Variants in GALNTL6 observed in about 807,000 individuals in gnomAD.
GALNTL6 encodes the protein polypeptide N-acetylgalactosaminyltransferase-like 6.
A neutral mutation model predicts 73.7 loss-of-function variants in GALNTL6; 46 were observed. The ratio of observed to expected loss-of-function variants is 0.62; its 90% CI spans 0.49 to 0.80. The LOEUF is 0.80. Ranked by LOEUF, GALNTL6 falls within the 30% of genes least tolerant of loss-of-function variation. GALNTL6 has a pLI of 0.00. For missense variants in GALNTL6, 604 were observed against 755.0 expected, an observed-to-expected ratio of 0.80 and a Z score of 2.34; for synonymous variants, 259 against 263.7, an observed-to-expected ratio of 0.98 and a Z score of 0.17.
chr4:172,486,603 G>C (rs768689939), intron 5 of GALNTL6, among the ~76,000 whole-genome samples: 2 of 152,132 alleles, frequency 1.3e-5, no homozygotes, highest in Non-Finnish European at 2.9e-5. Flanking sequence ...TCCAGTTTCA[G>C]CCTAGATCAC....
chr4:172,982,919 G>C (rs1232231774), intron 10 of GALNTL6, among the ~76,000 whole-genome samples: 1 of 152,060 alleles, frequency 6.6e-6, no homozygotes, highest in African/African-American at 2.4e-5. Flanking sequence ...CTCATAAGTA[G>C]GTGCTAAAAA....
At chr4:172,598,468 A>G (rs1737943454) in intron 5 of GALNTL6, among the ~76,000 whole-genome samples, 1 of 152,200 alleles carries the variant, frequency 6.6e-6, no homozygotes, top group South Asian at 2.1e-4. Context: ...GCTCTTGATT[A>G]CAACCATAAA....
chr4:172,687,365 C>T (rs889413172), intron 5 of GALNTL6, among the ~76,000 whole-genome samples: 2 of 152,094 alleles, frequency 1.3e-5, no homozygotes, highest in African/African-American at 2.4e-5. Context: ...CACGGTGGCT[C>T]ATACCTGTAA....
intron 4 of GALNTL6, among the ~76,000 whole-genome samples, chr4:172,313,771 G>C (rs934186240): frequency 1.3e-5 from 2 of 152,092 alleles, no homozygotes; most frequent in African/African-American, 2.4e-5. Context: ...TAGGACAAGT[G>C]GTCATGTAGT....
At chr4:171,871,870 A>G (rs1170929132) in intron 2 of GALNTL6, among the ~76,000 whole-genome samples, 1 of 152,218 alleles carries the variant, frequency 6.6e-6, no homozygotes, top group Non-Finnish European at 1.5e-5. Context: ...CTGTTTTCTT[A>G]TTAAGCTAAA....
chr4:172,025,043 T>C (rs13150829), intron 2 of GALNTL6, among the ~76,000 whole-genome samples: 66,292 of 151,730 alleles, frequency 0.44, 15,008 homozygotes, highest in Admixed American at 0.54. Flanking sequence ...TTTAATAAGG[T>C]GACCCTCAAT....
At chr4:171,915,052 C>A (rs184790980) in intron 2 of GALNTL6, among the ~76,000 whole-genome samples, 1 of 151,940 alleles carries the variant, frequency 6.6e-6, no homozygotes, top group Admixed American at 6.6e-5. Flanking sequence ...GACAGGATAT[C>A]GATACAGATT....
chr4:172,405,553 A>G (rs1216240124), intron 5 of GALNTL6, among the ~76,000 whole-genome samples: 2 of 151,000 alleles, frequency 1.3e-5, no homozygotes, highest in South Asian at 2.1e-4. Context: ...TAACCATGTT[A>G]TCTCACATCC....
At chr4:172,142,527 T>G (rs1308963165) in intron 2 of GALNTL6, among the ~76,000 whole-genome samples, 1 of 152,040 alleles carries the variant, frequency 6.6e-6, no homozygotes, top group African/African-American at 2.4e-5. Context: ...TGAACATAAA[T>G]TTTAACTCCT....
At chr4:171,970,194 G>A (rs577931843) in intron 2 of GALNTL6, among the ~76,000 whole-genome samples, 4 of 147,186 alleles carry the variant, frequency 2.7e-5, no homozygotes, top group South Asian at 2.2e-4. Context: ...CAAAATCACC[G>A]GCCATGATCA....
intron 2 of GALNTL6, among the ~76,000 whole-genome samples, chr4:172,121,180 C>A (rs933881349): frequency 1.3e-5 from 2 of 150,592 alleles, no homozygotes; most frequent in Admixed American, 1.3e-4. Flanking sequence ...TTATACTTGG[C>A]GACAAAGATT....
At chr4:172,654,868 G>C (rs921765274) in intron 5 of GALNTL6, among the ~76,000 whole-genome samples, 2 of 152,186 alleles carry the variant, frequency 1.3e-5, no homozygotes, top group African/African-American at 4.8e-5. Context: ...CTATTTTACT[G>C]TTGCAAATAC....
At chr4:172,882,597 C>T (rs185212569) in intron 7 of GALNTL6, among the ~76,000 whole-genome samples, 193 bp from the exon 8 acceptor site, 2 of 152,270 alleles carry the variant, frequency 1.3e-5, no homozygotes, top group East Asian at 3.9e-4. Context: ...AAGAATTTTT[C>T]TCCCTCCCCA....
At chr4:172,568,976 ATTC>A (rs1397427662) in intron 5 of GALNTL6, among the ~76,000 whole-genome samples, 4 of 151,818 alleles carry the variant, frequency 2.6e-5, no homozygotes, top group African/African-American at 9.7e-5. Flanking sequence ...GCCCAAGAGA[ATTC>A]TTCTTCCAGT....
At chr4:172,218,156 A>G (rs910017906) in intron 2 of GALNTL6, among the ~76,000 whole-genome samples, 5 of 152,100 alleles carry the variant, frequency 3.3e-5, no homozygotes, top group African/African-American at 9.7e-5. Context: ...GTTCCCCTTC[A>G]TAAGTTTCCT....
At chr4:171,834,234 G>T (rs1041186613) in intron 2 of GALNTL6, among the ~76,000 whole-genome samples, 1 of 151,970 alleles carries the variant, frequency 6.6e-6, no homozygotes, top group Non-Finnish European at 1.5e-5. Flanking sequence ...GGAATTGATT[G>T]CCACTTCAAA....
At chr4:172,962,477 T>C (rs149997611) in intron 10 of GALNTL6, among the ~76,000 whole-genome samples, 214 of 152,360 alleles carry the variant, frequency 1.4e-3, no homozygotes, top group African/African-American at 4.8e-3. Context: ...TTTAGTTTCC[T>C]ATAAACTTTA....
At chr4:172,782,169 C>T (rs1281547095) in intron 5 of GALNTL6, among the ~76,000 whole-genome samples, 1 of 152,046 alleles carries the variant, frequency 6.6e-6, no homozygotes, top group African/African-American at 2.4e-5. Flanking sequence ...AAACTCATTT[C>T]TTTTACTTTT....
intron 2 of GALNTL6, among the ~76,000 whole-genome samples, chr4:172,113,480 T>C (rs555313270): frequency 3.9e-5 from 6 of 152,162 alleles, no homozygotes; most frequent in Admixed American, 2.0e-4. Flanking sequence ...CTATAGACAG[T>C]ACAATGACTA....
Sources: allele counts gnomAD v4.1 joint callset (sites outside exome capture counted in the v4.1 genomes callset), GRCh38; gene constraint gnomAD v4.1.1; transcripts MANE v1.5; gene names NCBI Gene and HGNC (gene_info 2026-07-23, HGNC 2026-07-21).